Variants in ANKRD33B observed in about 807,000 individuals in gnomAD.
ANKRD33B encodes ankyrin repeat domain-containing protein 33B.
In ANKRD33B, 6 loss-of-function variants were observed where a neutral mutation model predicts 21.5. The observed-to-expected ratio is 0.28, with a 90% CI of 0.15 to 0.55. The LOEUF is 0.55. Among genes scored for constraint, ANKRD33B ranks in the 20% least tolerant of loss-of-function variants. The pLI is 0.94. For missense variants in ANKRD33B, 698 were observed against 747.2 expected (o/e 0.93, Z 0.77); for synonymous variants, 347 against 342.4 (o/e 1.01, Z -0.15).
At chr5:10,575,871 A>G (rs545620186) in intron 1 of ANKRD33B, among the ~76,000 whole-genome samples, 27 of 152,100 alleles carry the variant, frequency 1.8e-4, no homozygotes, top group Non-Finnish European at 3.1e-4. Context: ...AAGTGTTACC[A>G]TAAAGGGGTA....
chr5:10,629,799 G>A (rs1736663547), intron 2 of ANKRD33B, among the ~76,000 whole-genome samples: 1 of 152,176 alleles, frequency 6.6e-6, no homozygotes, highest in Non-Finnish European at 1.5e-5. Context: ...TCAGAAGGGT[G>A]AGCATCTGCA....
At chr5:10,584,190 G>A (rs910503908) in intron 1 of ANKRD33B, among the ~76,000 whole-genome samples, 4 of 152,212 alleles carry the variant, frequency 2.6e-5, no homozygotes, top group African/African-American at 7.2e-5. Flanking sequence ...GATTTTCAAA[G>A]TGATTTTTAT....
intron 3 of ANKRD33B, among the ~76,000 whole-genome samples, chr5:10,648,404 A>G (rs1315020503): frequency 6.6e-6 from 1 of 152,260 alleles, no homozygotes; most frequent in East Asian, 1.9e-4. Flanking sequence ...TATGCAAGGC[A>G]GCTTTGTTGT....
At chr5:10,618,214 T>A in intron 1 of ANKRD33B, 119 bp from the exon 2 acceptor site, 1 of 1,328,620 alleles carries the variant, frequency 7.5e-7, no homozygotes, top group Non-Finnish European at 1.0e-6. Context: ...GGACTCCAGG[T>A]CCCTGTCATT....
chr5:10,618,031 A>G (rs1437839707), intron 1 of ANKRD33B, among the ~76,000 whole-genome samples: 4 of 152,040 alleles, frequency 2.6e-5, no homozygotes, highest in African/African-American at 9.7e-5. Context: ...TTATTTCTCT[A>G]CGAGCCCCAT....
chr5:10,587,945 G>C (rs1313951174), intron 1 of ANKRD33B, among the ~76,000 whole-genome samples: 2 of 152,142 alleles, frequency 1.3e-5, no homozygotes, highest in Non-Finnish European at 2.9e-5. Context: ...TCTCTGGGCA[G>C]TTCTGTTTAG....
intron 2 of ANKRD33B, among the ~76,000 whole-genome samples, chr5:10,633,837 G>A (rs1277518845): frequency 2.6e-5 from 4 of 152,148 alleles, no homozygotes; most frequent in Non-Finnish European, 4.4e-5. Flanking sequence ...GGAGGAAGAC[G>A]CCCGATAAAG....
rs529915234 is a variant in ANKRD33B at position 10,567,148 on chromosome 5, G to A, written c.366+2315G>A. 5.9e-5 allele frequency among the ~76,000 whole-genome samples: 9 copies of A among 152,264 alleles called. No homozygotes were observed. The South Asian group carries it at 8.3e-4, about 14-fold the overall frequency. On this transcript the variant is annotated intron_variant, in intron 1 of 3. Coordinates refer to ENST00000296657, the MANE Select transcript of ANKRD33B (RefSeq NM_001164440.2). ...GGACTCTTTCATCTTTGGATCAGAC[G>A]GAGCAGGGCTTGTGTTCTGTGCTTT...
chr5:10,598,743 T>A (rs959285972), intron 1 of ANKRD33B, among the ~76,000 whole-genome samples: 1 of 152,100 alleles, frequency 6.6e-6, no homozygotes, highest in Non-Finnish European at 1.5e-5. Flanking sequence ...ACCTGGCCAA[T>A]CATATTTTAT....
chr5:10,640,851 G>A (rs564326532), intron 3 of ANKRD33B, among the ~76,000 whole-genome samples: 8 of 152,188 alleles, frequency 5.3e-5, no homozygotes, highest in African/African-American at 1.2e-4. Context: ...CGGCAGGTTC[G>A]ATGTCTGCTG....
chr5:10,581,830 G>A (rs932683384), intron 1 of ANKRD33B, among the ~76,000 whole-genome samples: 1 of 152,194 alleles, frequency 6.6e-6, no homozygotes, highest in African/African-American at 2.4e-5. Flanking sequence ...TGAGTTTCCA[G>A]CCTGCCTGCC....
Position 10,584,972 on chromosome 5 carries a change from G to A in ANKRD33B, c.366+20139G>A, listed in dbSNP as rs569534001. ...GGAGGTCTAGGAAAGAGCCTTCCAGGCTGGTGGAGCAGGTGGTAGAGCTGG... is the reference window on the plus strand; with the variant it reads ...GGAGGTCTAGGAAAGAGCCTTCCAGACTGGTGGAGCAGGTGGTAGAGCTGG... On this transcript the variant is annotated intron_variant, in intron 1 of 3. Coordinates refer to ENST00000296657, the MANE Select transcript of ANKRD33B (RefSeq NM_001164440.2). 3.9e-5 allele frequency among the ~76,000 whole-genome samples: 6 copies of A among 152,364 alleles called. No individual in the cohort carries two copies. In the East Asian group the frequency reaches 1.2e-3, roughly 29 times the overall value.
At chr5:10,592,975 A>T (rs1735729331) in intron 1 of ANKRD33B, among the ~76,000 whole-genome samples, 2 of 152,136 alleles carry the variant, frequency 1.3e-5, no homozygotes, top group South Asian at 4.1e-4. Context: ...TTCCTTCTCC[A>T]TCAATTCTAG....
chr5:10,604,949 A>C (rs898305799), intron 1 of ANKRD33B, among the ~76,000 whole-genome samples: 3 of 152,202 alleles, frequency 2.0e-5, no homozygotes, highest in Admixed American at 6.5e-5. Context: ...GAATGTGGGA[A>C]CCTGGTTGGG....
chr5:10,639,092 C>T (rs1232423355), intron 3 of ANKRD33B, among the ~76,000 whole-genome samples: 2 of 44,694 alleles, frequency 4.5e-5, no homozygotes, highest in Non-Finnish European at 9.9e-5. Flanking sequence ...AGTTGCGCGG[C>T]GATGTTAGGC....
intron 1 of ANKRD33B, among the ~76,000 whole-genome samples, chr5:10,617,369 G>C (rs6870735): frequency 0.92 from 139,881 of 152,270 alleles, 64,446 homozygotes; most frequent in Middle Eastern, 0.96. Flanking sequence ...ACATCCTGTC[G>C]CTCTCATTTG....
intron 3 of ANKRD33B, among the ~76,000 whole-genome samples, chr5:10,638,891 C>T (rs1002020285): frequency 3.0e-5 from 4 of 132,842 alleles, no homozygotes; most frequent in African/African-American, 7.7e-5. Flanking sequence ...TAGCGGGTGA[C>T]GTGGAGTTGT....
chr5:10,615,270 C>CT (rs1736260102), intron 1 of ANKRD33B, among the ~76,000 whole-genome samples: 1 of 152,170 alleles, frequency 6.6e-6, no homozygotes, highest in Non-Finnish European at 1.5e-5. Flanking sequence ...ATATTCCAAG[C>CT]TGGAATATGC....
At chr5:10,616,363 G>A (rs1394632463) in intron 1 of ANKRD33B, among the ~76,000 whole-genome samples, 1 of 151,776 alleles carries the variant, frequency 6.6e-6, no homozygotes, top group Non-Finnish European at 1.5e-5. Flanking sequence ...TCAGGAGTTC[G>A]AGACCACCCT....
Sources: allele counts gnomAD v4.1 joint callset (sites outside exome capture counted in the v4.1 genomes callset), GRCh38; gene constraint gnomAD v4.1.1; transcripts MANE v1.5; gene names NCBI Gene and HGNC (gene_info 2026-07-23, HGNC 2026-07-21).